SMC6: variants seen among roughly 807,000 people sequenced by gnomAD.
SMC6 encodes structural maintenance of chromosomes 6, also known as structural maintenance of chromosomes protein 6.
SMC6 carries 79 observed loss-of-function variants against 142.2 expected under a neutral mutation model. The observed-to-expected ratio is 0.56, with a 90% CI of 0.46 to 0.67. The LOEUF (loss-of-function observed/expected upper bound fraction) is 0.67. SMC6 is among the 30% of genes least tolerant of loss of function. The pLI is 0.00. For missense variants in SMC6, 1,072 were observed against 1,284.0 expected (o/e 0.83, Z 2.52); for synonymous variants, 411 against 412.4 (o/e 1.00, Z 0.04).
chr2:17,749,147 T>C (rs1469627569), intron 2 of SMC6, among the ~76,000 whole-genome samples: 2 of 152,074 alleles, frequency 1.3e-5, no homozygotes, highest in African/African-American at 4.8e-5. Context: ...AATAGTAAAA[T>C]TGTTTCCAAA....
intron 5 of SMC6, among the ~76,000 whole-genome samples, chr2:17,734,755 A>T (rs1670067142): frequency 6.6e-6 from 1 of 152,038 alleles, no homozygotes; most frequent in African/African-American, 2.4e-5. Context: ...TTTTTGAGAC[A>T]GAGTCTCACT....
At chr2:17,750,546 C>T (rs934472109) in intron 2 of SMC6, among the ~76,000 whole-genome samples, 1 of 152,186 alleles carries the variant, frequency 6.6e-6, no homozygotes, top group Admixed American at 6.5e-5. Context: ...CATAGCAGAG[C>T]TCAGATCCAA....
At chr2:17,702,782 C>G (rs1668331907) in intron 19 of SMC6, among the ~76,000 whole-genome samples, 1 of 152,088 alleles carries the variant, frequency 6.6e-6, no homozygotes, top group South Asian at 2.1e-4. Context: ...CTCTCTTTCT[C>G]TCATGGCTGC....
intron 16 of SMC6, chr2:17,713,524 T>C (rs1384174172): frequency 4.2e-6 from 2 of 471,012 alleles, no homozygotes; most frequent in East Asian, 6.9e-5. Flanking sequence ...TTCAGAGTCT[T>C]TGTGTCAGTT....
Position 17,738,292 on chromosome 2 carries a change from G to A in SMC6, c.273C>T (p.Val91=), listed in dbSNP as rs374099611. The change falls in exon 5 of 28, where the codon GTC becomes GTT. Residue 91 remains valine, a synonymous_variant. Coordinates refer to ENST00000448223, the MANE Select transcript of SMC6 (RefSeq NM_001142286.2). ...GKSAVLTALI[V]GLGGRAVATN... Reference sequence around the variant, plus strand: ...TAGCAACTGCTCTTCCACCAAGACCGACTATGAGAGCTGTGAGTACTGCAC... The same window carrying A: ...TAGCAACTGCTCTTCCACCAAGACCAACTATGAGAGCTGTGAGTACTGCAC... The A allele has an allele frequency of 1.4e-5, 22 of 1,613,218 alleles. No homozygotes were observed. Among genetic ancestry groups the A allele is most frequent in the Admixed American group, 5.0e-5 (3 of 59,978 alleles).
chr2:17,716,940 T>C, intron 13 of SMC6, 35 bp from the exon 14 acceptor site: 1 of 1,575,808 alleles, frequency 6.3e-7, no homozygotes. Context: ...AAAATGTTAG[T>C]TCAATGAACA....
intron 7 of SMC6, among the ~76,000 whole-genome samples, chr2:17,727,148 G>T (rs1280496276): frequency 2.6e-5 from 4 of 152,114 alleles, no homozygotes; most frequent in African/African-American, 9.7e-5. Flanking sequence ...AACCTGATTG[G>T]ATTGAAGGAT....
rs1194050084 is a variant in SMC6, at chr2:17,731,944, GTTTTCAAAT to G, written c.345-76_345-68del. On this transcript the variant is annotated intron_variant, in intron 5 of 27. Transcript: ENST00000448223. Reference sequence around the variant, plus strand: ...GTAATTACAATACTAGGTTGCCACAGTTTTCAAATTTTTCAAAACCACCAAATAATTTGG... The same window carrying G: ...GTAATTACAATACTAGGTTGCCACAGTTTTCAAAACCACCAAATAATTTGG... The G allele has an allele frequency of 5.5e-5, 82 of 1,502,848 alleles. No individual in the cohort carries two copies. In the East Asian group the frequency reaches 1.8e-3, roughly 34 times the overall value. The allele number at this position is 1,502,848 out of a possible 1,614,324, so 93.1% of individuals were successfully genotyped here.
Position 17,700,385 on chromosome 2 carries a change from A to C in SMC6, c.2224-7T>G. Reference sequence around the variant, plus strand: ...TTTCCTGAGCTTCATCTTCCTGATAAAATTTAAACAGCATATAAGGTTAAT... The same window carrying C: ...TTTCCTGAGCTTCATCTTCCTGATACAATTTAAACAGCATATAAGGTTAAT... On this transcript the variant is annotated splice_region_variant and splice_polypyrimidine_tract_variant and intron_variant, in intron 20 of 27. Coordinates refer to ENST00000448223, the MANE Select transcript of SMC6 (RefSeq NM_001142286.2). The C allele has an allele frequency of 6.3e-7, 1 of 1,587,342 alleles. No individual in the cohort carries two copies. Among genetic ancestry groups the C allele is most frequent in the African/African-American group, 1.4e-5 (1 of 73,344 alleles).
intron 17 of SMC6, among the ~76,000 whole-genome samples, chr2:17,708,236 AAC>A (rs1379672341): frequency 1.3e-5 from 2 of 152,090 alleles, no homozygotes; most frequent in Admixed American, 1.3e-4. Flanking sequence ...TGATTTATCT[AAC>A]AGAGTACAAA....
At chr2:17,713,681 C>G (rs899503586) in intron 16 of SMC6, 5 of 318,552 alleles carry the variant, frequency 1.6e-5, no homozygotes, top group Middle Eastern at 4.1e-4. Context: ...CCTGATTTTT[C>G]CTTCTCTTGC....
chr2:17,727,867 T>C (rs147973551), intron 7 of SMC6, among the ~76,000 whole-genome samples: 86 of 152,294 alleles, frequency 5.6e-4, no homozygotes, highest in African/African-American at 1.5e-3. Context: ...TAAAAAACAT[T>C]TATGTAGTTA....
chr2:17,696,457 T>C, intron 21 of SMC6, 31 bp from the exon 22 acceptor site: 10 of 1,590,582 alleles, frequency 6.3e-6, no homozygotes, highest in Non-Finnish European at 7.7e-6. Flanking sequence ...TAAAAGATTG[T>C]TTTAAAAAAA....
chr2:17,691,317 T>G (rs1667709318), intron 23 of SMC6, among the ~76,000 whole-genome samples: 1 of 99,824 alleles, frequency 1.0e-5, no homozygotes, highest in Non-Finnish European at 2.0e-5. Flanking sequence ...TATTCTGGTG[T>G]GTGTGTGTGT....
intron 25 of SMC6, among the ~76,000 whole-genome samples, chr2:17,678,604 C>CA (rs1558328096): frequency 2.7e-5 from 3 of 110,634 alleles, no homozygotes; most frequent in African/African-American, 1.2e-4. Flanking sequence ...CTTGTCTATA[C>CA]GGAAAAAAAA....
intron 7 of SMC6, among the ~76,000 whole-genome samples, chr2:17,729,705 A>T (rs776998638): frequency 1.6e-4 from 25 of 152,162 alleles, no homozygotes; most frequent in Non-Finnish European, 3.7e-4. Context: ...TCTGAAATTT[A>T]TTTGCTGTAC....
intron 18 of SMC6, among the ~76,000 whole-genome samples, chr2:17,703,986 G>A (rs545944882): frequency 6.6e-5 from 10 of 151,804 alleles, no homozygotes; most frequent in African/African-American, 2.4e-4. Flanking sequence ...TGCATTGGGG[G>A]TCAGTGCCCC....
intron 21 of SMC6, 119 bp from the exon 22 acceptor site, chr2:17,696,545 T>C: frequency 1.0e-6 from 1 of 988,430 alleles, no homozygotes; most frequent in South Asian, 1.5e-5. Flanking sequence ...GCAAGTGTTA[T>C]TATATCCATA....
In SMC6 at chr2:17,741,248, T is replaced by G. The variant is rs117374950; in HGVS notation, c.238+364A>C. Among the ~76,000 whole-genome samples the G allele has an allele frequency of 2.1e-3, 321 of 152,352 alleles. 11 individuals are homozygous for G. The East Asian group carries it at 0.056, about 27-fold the overall frequency. On this transcript the variant is annotated intron_variant, in intron 4 of 27. Coordinates refer to ENST00000448223, the MANE Select transcript of SMC6 (RefSeq NM_001142286.2). ...GGCCACCTGGTGAGAACTACTTTTATGTTTGGATTGCCAAGTCACTTCATT... is the reference window on the plus strand; with the variant it reads ...GGCCACCTGGTGAGAACTACTTTTAGGTTTGGATTGCCAAGTCACTTCATT...
Sources: gnomAD v4.1 joint callset for allele counts (sites outside exome capture counted in the v4.1 genomes callset) on GRCh38, gnomAD v4.1.1 for gene constraint, MANE v1.5 for transcripts, NCBI Gene and HGNC (gene_info 2026-07-23, HGNC 2026-07-21) for gene names.